ZNF700: variants seen among roughly 807,000 people sequenced by gnomAD.
ZNF700 encodes zinc finger protein 700.
In ZNF700, 38 loss-of-function variants were observed where a neutral mutation model predicts 65.3. That is an observed-to-expected ratio of 0.58 (90% CI 0.45 to 0.76). The LOEUF (loss-of-function observed/expected upper bound fraction) is 0.76, where lower values mean the gene tolerates loss of function less well. Among genes scored for constraint, ZNF700 ranks in the 30% least tolerant of loss-of-function variants. The pLI is 0.00. For missense variants in ZNF700, 857 were observed against 888.4 expected (o/e 0.96, Z 0.45); for synonymous variants, 285 against 290.4 (o/e 0.98, Z 0.19).
chr19:11,947,574 G>C lies in ZNF700; in HGVS notation c.251G>C (p.Arg84Thr). ...YEYQNPRRSF[R>T]SLIEEKVNEI... ...TACCAAAACCCCAGAAGAAGCTTCA[G>C]GTAATTTGCATTTCCAAGAGAAAGC... The change falls in exon 3 of 4, where the codon AGG (arginine) becomes ACG (threonine). Residue 84 changes from arginine to threonine, a missense_variant and splice_region_variant. Arg to Thr is a moderately conservative substitution (Grantham distance 71). Transcript: ENST00000254321. 1 of 1,613,132 alleles carries C rather than the reference G, an allele frequency of 6.2e-7. No individual in the cohort carries two copies. Among genetic ancestry groups the C allele is most frequent in the Non-Finnish European group, 8.5e-7 (1 of 1,179,700 alleles).
intron 1 of ZNF700, among the ~76,000 whole-genome samples, chr19:11,941,900 G>T (rs536734396): frequency 6.6e-6 from 1 of 152,320 alleles, no homozygotes; most frequent in South Asian, 2.1e-4. Context: ...CCATTCAGCC[G>T]TCAGTGGATA....
intron 1 of ZNF700, among the ~76,000 whole-genome samples, chr19:11,944,657 T>C (rs1363182897): frequency 6.6e-6 from 1 of 152,224 alleles, no homozygotes; most frequent in Non-Finnish European, 1.5e-5. Context: ...AACTAGTAAA[T>C]ACTTGTTATC....
intron 1 of ZNF700, among the ~76,000 whole-genome samples, chr19:11,944,305 A>T (rs773559491): frequency 6.8e-6 from 1 of 147,150 alleles, no homozygotes; most frequent in Non-Finnish European, 1.5e-5. Context: ...GTTTTTCTAG[A>T]AGGGGTAAAT....
intron 1 of ZNF700, chr19:11,926,642 G>A (rs1323101520): frequency 6.5e-6 from 1 of 154,272 alleles, no homozygotes; most frequent in East Asian, 1.9e-4. Flanking sequence ...ACCCACCTCA[G>A]CCTCCCAAAG....
intron 1 of ZNF700, chr19:11,939,958 T>C (rs962092109): frequency 5.3e-5 from 8 of 152,044 alleles, no homozygotes; most frequent in Admixed American, 3.3e-4. Flanking sequence ...TTTTCTTTTT[T>C]TTTTTTTTGA....
rs775380833 is a variant in ZNF700 at position 11,949,745 on chromosome 19, G to C, written c.1721G>C (p.Arg574Thr). ...TGTAAGCAATGTGGGAAAGCCTTCA[G>C]ATCTGCCTCACACCTTCGAATGCAT... ...YECKQCGKAF[R>T]SASHLRMHER... The change falls in exon 4 of 4, where the codon AGA (arginine) becomes ACA (threonine). Residue 574 changes from arginine (R) to threonine (T), a missense_variant. By Grantham distance (71) the Arg-to-Thr change is moderately conservative. This residue lies in a region of ZNF700 where 251 missense variants were observed against 250.3 expected (regional missense o/e 1.00). Coordinates refer to ENST00000254321, the MANE Select transcript of ZNF700 (RefSeq NM_144566.3). The C allele has an allele frequency of 3.7e-6, 6 of 1,613,846 alleles. No individual in the cohort carries two copies. Among genetic ancestry groups the C allele is most frequent in the South Asian group, 2.2e-5 (2 of 91,050 alleles).
intron 1 of ZNF700, among the ~76,000 whole-genome samples, chr19:11,938,158 T>A (rs1208736538): frequency 1.3e-5 from 2 of 151,686 alleles, no homozygotes; most frequent in East Asian, 3.9e-4. Flanking sequence ...AACCTCCATC[T>A]CCCAGGTTCA....
chr19:11,937,490 C>CTTTTTT lies in ZNF700; in HGVS notation c.64-9680_64-9675dup, dbSNP rs1053539594. Among the ~76,000 whole-genome samples, 4 of 129,012 alleles carry CTTTTTT rather than the reference C, an allele frequency of 3.1e-5. 1 individual carries two copies. Among genetic ancestry groups the CTTTTTT allele is most frequent in the African/African-American group, 3.1e-5 (1 of 32,548 alleles). The allele number at this position is 129,012 out of a possible 152,430, so 84.6% of individuals were successfully genotyped here. On this transcript the variant is annotated intron_variant, in intron 1 of 3. Coordinates refer to ENST00000254321, the MANE Select transcript of ZNF700 (RefSeq NM_144566.3). ...TAGTAGATTTTTCTTTTTTTCTTTC[C>CTTTTTT]TTTTTTTTTTTTTTTTGAGACAGAG...
At position 11,949,893 on chromosome 19, in the gene ZNF700, G is replaced by C. The variant is rs781381099; in HGVS notation, c.1869G>C (p.Lys623Asn). The change falls in exon 4 of 4, where the codon AAG becomes AAC. Residue 623 changes from lysine (K) to asparagine (N), a missense_variant. By Grantham distance (94) the Lys-to-Asn change is moderately conservative (BLOSUM62 0). This residue lies in a region of ZNF700 where 251 missense variants were observed against 250.3 expected (regional missense o/e 1.00). Coordinates refer to ENST00000254321, the MANE Select transcript of ZNF700 (RefSeq NM_144566.3). ...THTGEKPYECKQCGKAFRSAS... is the reference protein window; with the variant it reads ...THTGEKPYECNQCGKAFRSAS... Reference sequence around the variant, plus strand: ...CTGGAGAGAAACCCTATGAGTGTAAGCAATGTGGGAAAGCCTTCAGATCTG... The same window carrying C: ...CTGGAGAGAAACCCTATGAGTGTAACCAATGTGGGAAAGCCTTCAGATCTG... 2 of 1,613,882 alleles carry C rather than the reference G, an allele frequency of 1.2e-6. No homozygotes were observed. Among genetic ancestry groups the C allele is most frequent in the South Asian group, 2.2e-5 (2 of 91,062 alleles).
Position 11,932,836 on chromosome 19 carries a change from A to G in ZNF700, c.63+7563A>G, listed in dbSNP as rs1972735290. On this transcript the variant is annotated intron_variant, in intron 1 of 3. Coordinates refer to ENST00000254321, the MANE Select transcript of ZNF700 (RefSeq NM_144566.3). ...GTATTTTTAGTAGAGACGGGGTTTCACCGTGTTAGCCAGGATGGTCTCAAT... is the reference window on the plus strand; with the variant it reads ...GTATTTTTAGTAGAGACGGGGTTTCGCCGTGTTAGCCAGGATGGTCTCAAT... Among the ~76,000 whole-genome samples, 4 of 147,238 alleles carry G rather than the reference A, an allele frequency of 2.7e-5. 1 individual carries two copies. In the South Asian group the frequency reaches 8.4e-4, roughly 31 times the overall value.
intron 1 of ZNF700, among the ~76,000 whole-genome samples, chr19:11,933,198 G>A (rs1205146598): frequency 6.8e-6 from 1 of 146,434 alleles, no homozygotes; most frequent in Non-Finnish European, 1.5e-5. Flanking sequence ...TGGGAGGATA[G>A]CTTGGACTCA....
At chr19:11,930,555 GAATT>G (rs1299528493) in intron 1 of ZNF700, among the ~76,000 whole-genome samples, 3 of 148,602 alleles carry the variant, frequency 2.0e-5, no homozygotes, top group Admixed American at 1.3e-4. Context: ...GGCAACTCTA[GAATT>G]AATTAAATTA....
chr19:11,941,649 G>A (rs1036592462), intron 1 of ZNF700, among the ~76,000 whole-genome samples: 2 of 151,916 alleles, frequency 1.3e-5, no homozygotes, highest in Admixed American at 6.6e-5. Context: ...AGCGCCGCGC[G>A]CAGCCCCAGT....
chr19:11,937,398 G>A (rs1024384013), intron 1 of ZNF700, among the ~76,000 whole-genome samples: 3 of 151,892 alleles, frequency 2.0e-5, no homozygotes, highest in Non-Finnish European at 2.9e-5. Flanking sequence ...GGCTGGTCTC[G>A]AACTGCTGGG....
At chr19:11,944,749 G>A (rs748661570) in intron 1 of ZNF700, among the ~76,000 whole-genome samples, 8 of 152,184 alleles carry the variant, frequency 5.3e-5, no homozygotes, top group South Asian at 2.1e-4. Context: ...CAGCCGGGAC[G>A]GTTGGACCCT....
intron 1 of ZNF700, among the ~76,000 whole-genome samples, chr19:11,931,776 AT>A (rs1972717651): frequency 6.7e-6 from 1 of 148,338 alleles, no homozygotes; most frequent in Non-Finnish European, 1.5e-5. Flanking sequence ...CATAATAATC[AT>A]TTTTTATCCT....
In ZNF700 at chr19:11,949,663, T is replaced by A. The variant is rs753631207; in HGVS notation, c.1639T>A (p.Cys547Ser). ...CAACCAATGTGGTAAAGCCTTCAGA[T>A]GTTGCAATTCCCTTCGATATCATGA... is the stretch of plus-strand genomic sequence containing the variant. Reference protein sequence around the residue: ...ECNQCGKAFRCCNSLRYHERT... With the variant: ...ECNQCGKAFRSCNSLRYHERT... The change falls in exon 4 of 4, where the codon TGT (cysteine) becomes AGT (serine). Residue 547 changes from cysteine to serine, a missense_variant. Transcript: ENST00000254321. The A allele has an allele frequency of 1.9e-6, 3 of 1,612,916 alleles. No homozygotes were observed. The East Asian group carries it at 6.7e-5, about 36-fold the overall frequency.
rs892638708 is a variant in ZNF700, at chr19:11,929,695, C to G, written c.63+4422C>G. Among the ~76,000 whole-genome samples the G allele has an allele frequency of 2.0e-5, 3 of 148,114 alleles. 1 individual carries two copies. Among genetic ancestry groups the G allele is most frequent in the African/African-American group, 5.3e-5 (2 of 37,796 alleles). Reference sequence around the variant, plus strand: ...AATTTTTCCACACTTTCCAGGGCAACTGGTTCCCCCTTATATTTTCCAAAT... The same window carrying G: ...AATTTTTCCACACTTTCCAGGGCAAGTGGTTCCCCCTTATATTTTCCAAAT... On this transcript the variant is annotated intron_variant, in intron 1 of 3. Transcript: ENST00000254321.
chr19:11,935,881 C>T (rs768094202), intron 1 of ZNF700, among the ~76,000 whole-genome samples: 15 of 152,246 alleles, frequency 9.9e-5, no homozygotes, highest in South Asian at 6.2e-4. Flanking sequence ...TGACAGGCCC[C>T]GGTGTGTGAT....
Sources: gnomAD v4.1 joint callset for allele counts (sites outside exome capture counted in the v4.1 genomes callset) on GRCh38, gnomAD v4.1.1 for gene constraint, gnomAD v4.1.1 regional missense constraint, MANE v1.5 for transcripts, NCBI Gene and HGNC (gene_info 2026-07-23, HGNC 2026-07-21) for gene names.